The following CPAMD8 variants were observed in gnomAD, a reference collection of about 807,000 sequenced individuals.
CPAMD8 encodes C3 and PZP like alpha-2-macroglobulin domain containing 8.
CPAMD8 carries 146 observed loss-of-function variants against 224.7 expected under a neutral mutation model. That is an observed-to-expected ratio of 0.65 (90% CI 0.57 to 0.75). The LOEUF (loss-of-function observed/expected upper bound fraction) is 0.75, where lower values mean the gene tolerates loss of function less well. CPAMD8 is among the 30% of genes least tolerant of loss of function. The pLI, the probability that CPAMD8 is intolerant of heterozygous loss-of-function variation, is 0.00. For synonymous variants in CPAMD8, 966 were observed against 1,044.6 expected, an observed-to-expected ratio of 0.92 and a Z score of 1.45; for missense variants, 2,301 against 2,537.5, an observed-to-expected ratio of 0.91 and a Z score of 2.00.
At chr19:16,943,344 C>T (rs142088180) in intron 22 of CPAMD8, among the ~76,000 whole-genome samples, 3 of 152,150 alleles carry the variant, frequency 2.0e-5, no homozygotes, top group African/African-American at 7.2e-5. Context: ...CTCGGTATCA[C>T]GTTTTCTAGG....
Position 16,893,021 on chromosome 19 carries a change from T to C in CPAMD8, c.*87A>G, listed in dbSNP as rs2051820229. The C allele has an allele frequency of 5.2e-6, 4 of 776,614 alleles. No individual in the cohort carries two copies. The highest frequency in any genetic ancestry group is 1.7e-5 in the African/African-American group (1 of 59,132). The allele number at this position is 776,614 out of a possible 1,614,324, so 48.1% of individuals were successfully genotyped here. A position where few individuals can be genotyped will look rare whatever the true frequency, so the allele number is the denominator to read the frequency against. ...GATCATTTACCAGAGTTTTCTGAGATGTTAACCACAGGCACAAGCTGGGTG... is the reference window on the plus strand; with the variant it reads ...GATCATTTACCAGAGTTTTCTGAGACGTTAACCACAGGCACAAGCTGGGTG... On this transcript the variant is annotated 3_prime_UTR_variant, in exon 42 of 42. Coordinates refer to ENST00000443236, the MANE Select transcript of CPAMD8 (RefSeq NM_015692.5).
intron 30 of CPAMD8, 83 bp downstream of exon 30, chr19:16,906,869 T>C (rs1935154848): frequency 7.4e-7 from 1 of 1,343,376 alleles, no homozygotes; most frequent in Non-Finnish European, 1.0e-6. Context: ...TCAGTTGTGA[T>C]AAATATGTTC....
chr19:16,997,317 C>A lies in CPAMD8; in HGVS notation c.889G>T (p.Asp297Tyr), dbSNP rs61744199. The change falls in exon 11 of 42, where the codon GAC (aspartate) becomes TAC (tyrosine). Residue 297 changes from aspartate (D) to tyrosine (Y), a missense_variant. This residue lies in a region of CPAMD8 where 301 missense variants were observed against 406.6 expected (regional missense o/e 0.74). Transcript: ENST00000443236. ...TTKILGSRDF[D>Y]ICVRDMIPAD... ...GGGATCATGTCCCTCACGCAGATGT[C>A]GAAGTCCCGGGAGCCGAGGATCTGG... is the stretch of plus-strand genomic sequence containing the variant. 3.2e-6 allele frequency: 5 copies of A among 1,579,518 alleles called. No individual in the cohort carries two copies. The highest frequency in any genetic ancestry group is 3.6e-5 in the Admixed American group (2 of 55,472).
chr19:16,895,911 A>G (rs759820497), intron 41 of CPAMD8: 3 of 589,998 alleles, frequency 5.1e-6, no homozygotes, highest in Admixed American at 2.2e-5. Flanking sequence ...ACGCACACAC[A>G]CACACACACA....
chr19:16,999,203 C>T (rs2056230065), intron 10 of CPAMD8, among the ~76,000 whole-genome samples: 1 of 152,074 alleles, frequency 6.6e-6, no homozygotes, highest in African/African-American at 2.4e-5. Flanking sequence ...TGCAAAAGGA[C>T]ATGAAGGATG....
chr19:16,912,641 C>T (rs377764356), intron 29 of CPAMD8, among the ~76,000 whole-genome samples: 1 of 152,096 alleles, frequency 6.6e-6, no homozygotes, highest in Admixed American at 6.6e-5. Context: ...CCCAGCTACT[C>T]GGGAGTCTGA....
At chr19:16,924,390 G>C (rs1221628079) in intron 26 of CPAMD8, among the ~76,000 whole-genome samples, 1 of 152,176 alleles carries the variant, frequency 6.6e-6, no homozygotes, top group East Asian at 1.9e-4. Flanking sequence ...TCAACTCTGG[G>C]TGGTGTTTAA....
intron 17 of CPAMD8, among the ~76,000 whole-genome samples, chr19:16,972,754 C>T (rs867890185): frequency 6.6e-6 from 1 of 152,120 alleles, no homozygotes; most frequent in Non-Finnish European, 1.5e-5. Flanking sequence ...AAATTCAAAC[C>T]CAGTTCCTTT....
Position 16,928,033 on chromosome 19 carries a change from C to G in CPAMD8, c.3346G>C (p.Glu1116Gln). The part of the protein sequence containing the change: ...GVPHGAIPGS[E>Q]RATASIIGDV... The stretch of plus-strand genomic sequence containing the variant: ...CCGATGATGGAGGCGGTGGCTCGCT[C>G]AGACCCAGGGATGGCGCCGTGTGGG... Residue 1116 changes from glutamate (E) to glutamine (Q), a missense_variant, in exon 25 of 42, where the codon GAG becomes CAG. Glu to Gln is a conservative substitution (Grantham distance 29). This residue lies in a region of CPAMD8 where 1,709 missense variants were observed against 1,753.2 expected (regional missense o/e 0.97). Coordinates refer to ENST00000443236, the MANE Select transcript of CPAMD8 (RefSeq NM_015692.5). The G allele has an allele frequency of 6.2e-7, 1 of 1,613,476 alleles. No homozygotes were observed. Among genetic ancestry groups the G allele is most frequent in the Middle Eastern group, 1.7e-4 (1 of 6,058 alleles).
chr19:16,905,227 G>A (rs2052422753), intron 30 of CPAMD8, among the ~76,000 whole-genome samples: 1 of 151,298 alleles, frequency 6.6e-6, no homozygotes, highest in Non-Finnish European at 1.5e-5. Flanking sequence ...CAGCCTGGGT[G>A]ACAGAGTGAG....
chr19:16,975,215 C>G lies in CPAMD8; in HGVS notation c.1952G>C (p.Gly651Ala), dbSNP rs768003801. The G allele has an allele frequency of 6.2e-7, 1 of 1,609,970 alleles. No individual in the cohort carries two copies. The highest frequency in any genetic ancestry group is 8.5e-7 in the Non-Finnish European group (1 of 1,178,086). ...LEDYDVSDSF[G>A]VSREDGPFWW... Reference sequence around the variant, plus strand: ...AAAAGGACCATCCTCCCTGGACACGCCAAAGGAATCAGAAACATCATAATC... The same window carrying G: ...AAAAGGACCATCCTCCCTGGACACGGCAAAGGAATCAGAAACATCATAATC... The change falls in exon 17 of 42, where the codon GGC becomes GCC. Residue 651 changes from glycine (G) to alanine (A), a missense_variant. By Grantham distance (60) the Gly-to-Ala change is moderately conservative. Around this residue, in one of 4 missense-constraint regions of CPAMD8, gnomAD observed 1,709 missense variants for 1,753.2 expected, o/e 0.97. Coordinates refer to ENST00000443236, the MANE Select transcript of CPAMD8 (RefSeq NM_015692.5).
At chr19:16,979,608 A>C (rs1412342214) in intron 14 of CPAMD8, among the ~76,000 whole-genome samples, 1 of 151,330 alleles carries the variant, frequency 6.6e-6, no homozygotes, top group Non-Finnish European at 1.5e-5. Context: ...CTATCAGTCC[A>C]TCCATCCATC....
intron 13 of CPAMD8, among the ~76,000 whole-genome samples, chr19:16,988,321 T>C (rs1010211784): frequency 2.0e-5 from 3 of 151,896 alleles, no homozygotes; most frequent in Non-Finnish European, 4.4e-5. Context: ...AACAAATAAA[T>C]AGCAACGAGC....
rs1007339213 is a variant in CPAMD8 at position 16,904,462 on chromosome 19, G to A, written c.4114+4C>T. On this transcript the variant is annotated splice_donor_region_variant and intron_variant, in intron 31 of 41. Transcript: ENST00000443236. The stretch of plus-strand genomic sequence containing the variant: ...AGGCACCCGGGAGCTGGGGTGGCCA[G>A]TACCTGACTGAGAGACCCTGTCACT... The A allele has an allele frequency of 6.2e-7, 1 of 1,613,806 alleles. No homozygotes were observed. Among genetic ancestry groups the A allele is most frequent in the Non-Finnish European group, 8.5e-7 (1 of 1,179,668 alleles).
intron 22 of CPAMD8, among the ~76,000 whole-genome samples, chr19:16,941,880 G>A (rs1234769582): frequency 6.6e-6 from 1 of 152,200 alleles, no homozygotes; most frequent in African/African-American, 2.4e-5. Context: ...GGCTGAGGCA[G>A]GAGACTCGCT....
chr19:16,979,942 T>C (rs140373918), intron 14 of CPAMD8, among the ~76,000 whole-genome samples: 2 of 151,814 alleles, frequency 1.3e-5, no homozygotes, highest in East Asian at 3.9e-4. Flanking sequence ...CATCATACTG[T>C]GGAAAGTTGG....
chr19:16,954,407 G>A (rs2054397116), intron 19 of CPAMD8, among the ~76,000 whole-genome samples: 1 of 151,924 alleles, frequency 6.6e-6, no homozygotes, highest in Non-Finnish European at 1.5e-5. Context: ...TTGGAACCCT[G>A]GTACACTGTT....
In CPAMD8 at chr19:16,893,113, T is replaced by C; in HGVS notation, c.5653A>G (p.Arg1885Gly). 1 of 1,383,332 alleles carries C rather than the reference T, an allele frequency of 7.2e-7. No individual in the cohort carries two copies. Among genetic ancestry groups the C allele is most frequent in the Non-Finnish European group, 1.0e-6 (1 of 971,350 alleles). The allele number at this position is 1,383,332 out of a possible 1,614,324, so 85.7% of individuals were successfully genotyped here. ...GLWMSNTCTL[R>G] ...AACTGCATGTGGTTGTAGGATTATCTCAAGGTGCAGGTGTTTGACATCCAT... is the reference window on the plus strand; with the variant it reads ...AACTGCATGTGGTTGTAGGATTATCCCAAGGTGCAGGTGTTTGACATCCAT... Residue 1885 changes from arginine to glycine, a missense_variant, in exon 42 of 42, where the codon AGA becomes GGA. Around this residue, in one of 4 missense-constraint regions of CPAMD8, gnomAD observed 1,709 missense variants for 1,753.2 expected, o/e 0.97. Transcript: ENST00000443236.
rs749262219 is a variant in CPAMD8, at chr19:16,897,962, G to A, written c.4881C>T (p.Phe1627=). 11 of 1,611,218 alleles carry A rather than the reference G, an allele frequency of 6.8e-6. No individual in the cohort carries two copies. The Admixed American group carries it at 1.5e-4, about 22-fold the overall frequency. The change falls in exon 38 of 42, where the codon TTC becomes TTT. Residue 1627 remains phenylalanine (F), a synonymous_variant. Transcript: ENST00000443236. ...CCACCACGCACTCCCGGAGAGCACG[G>A]AACCGCACGCACGTCAGGCACCGGC... is the stretch of plus-strand genomic sequence containing the variant. ...IPSRCLTCVR[F]RALRECVVGR...
Sources: gnomAD v4.1 joint callset for allele counts (sites outside exome capture counted in the v4.1 genomes callset) on GRCh38, gnomAD v4.1.1 for gene constraint, gnomAD v4.1.1 regional missense constraint, MANE v1.5 for transcripts, NCBI Gene and HGNC (gene_info 2026-07-23, HGNC 2026-07-21) for gene names.